Variants in ADAMTS13 observed in about 807,000 individuals in gnomAD.
ADAMTS13 encodes the protein A disintegrin and metalloproteinase with thrombospondin motifs 13.
In ADAMTS13, 110 loss-of-function variants were observed where a neutral mutation model predicts 155.1. The ratio of observed to expected loss-of-function variants is 0.71; its 90% CI spans 0.61 to 0.83. The LOEUF is 0.83. Among genes scored for constraint, ADAMTS13 ranks in the 40% least tolerant of loss-of-function variants. ADAMTS13 has a pLI of 0.00. For synonymous variants in ADAMTS13, 758 were observed against 756.4 expected, an observed-to-expected ratio of 1.00 and a Z score of -0.03; for missense variants, 1,707 against 1,891.7, an observed-to-expected ratio of 0.90 and a Z score of 1.81.
At chr9:133,451,894 CAAAAA>C (rs34716768) in intron 23 of ADAMTS13, among the ~76,000 whole-genome samples, 3 of 79,522 alleles carry the variant, frequency 3.8e-5, no homozygotes, top group Non-Finnish European at 2.2e-5. Flanking sequence ...GACCCTGTCT[CAAAAA>C]AAAAAAAAAA....
chr9:133,437,050 A>T, intron 12 of ADAMTS13, 95 bp downstream of exon 12: 2 of 1,457,356 alleles, frequency 1.4e-6, no homozygotes, highest in Non-Finnish European at 1.8e-6. Flanking sequence ...CTATCCCTCC[A>T]GCACTGGGCA....
At chr9:133,455,919 C>T (rs912535627) in intron 25 of ADAMTS13, 150 bp from the exon 26 acceptor site, 16 of 1,029,334 alleles carry the variant, frequency 1.6e-5, no homozygotes, top group East Asian at 5.1e-5. Flanking sequence ...ATGCAGCCCC[C>T]CTCCCTGTCC....
At chr9:133,449,654 A>G (rs1842305545) in intron 22 of ADAMTS13, 129 bp from the exon 23 acceptor site, 1 of 1,075,098 alleles carries the variant, frequency 9.3e-7, no homozygotes, top group Admixed American at 2.0e-5. Flanking sequence ...GCCTCCAGAA[A>G]GAGAACCTCT....
rs191816433 is a variant in ADAMTS13 at position 133,438,380 on chromosome 9, C to T, written c.1705+14C>T. On this transcript the variant is annotated intron_variant, in intron 14 of 28. Transcript: ENST00000355699. ...GCAGAGCGAGAGGTAGGCGGCCTCC[C>T]TCGGGGCAGAGGCTGGGCTTCCCCC... 979 of 1,613,334 alleles carry T rather than the reference C, an allele frequency of 6.1e-4. 10 individuals carry two copies. In the African/African-American group the frequency reaches 0.012, roughly 20 times the overall value.
chr9:133,414,892 C>G (rs1554781217), intron 1 of ADAMTS13: 1 of 1,614,050 alleles, frequency 6.2e-7, no homozygotes, highest in African/African-American at 1.3e-5. Context: ...TCTCCTCTCC[C>G]TTCACTTGAG....
upstream of ADAMTS13, among the ~76,000 whole-genome samples, chr9:133,421,718 A>G (rs899815157): frequency 7.2e-5 from 11 of 152,216 alleles, no homozygotes; most frequent in Non-Finnish European, 1.3e-4. Flanking sequence ...ATCCAGAGCC[A>G]GGGCCTGGCA....
chr9:133,430,381 C>A (rs1415970009), intron 8 of ADAMTS13, among the ~76,000 whole-genome samples: 1 of 152,196 alleles, frequency 6.6e-6, no homozygotes, highest in Non-Finnish European at 1.5e-5. Context: ...GTGAGGACAC[C>A]AATCTTAAAC....
chr9:133,442,330 A>C, intron 16 of ADAMTS13, 69 bp from the exon 17 acceptor site: 2 of 1,610,490 alleles, frequency 1.2e-6, no homozygotes, highest in Non-Finnish European at 1.7e-6. Context: ...AAGGCTTCCC[A>C]GGGGAGGTGG....
At chr9:133,450,737 G>A (rs1019284096) in intron 23 of ADAMTS13, among the ~76,000 whole-genome samples, 5 of 152,180 alleles carry the variant, frequency 3.3e-5, no homozygotes, top group Admixed American at 6.5e-5. Flanking sequence ...GCTACAGAGC[G>A]AGACTCCGTC....
chr9:133,437,990 G>A, intron 13 of ADAMTS13, 93 bp downstream of exon 13: 1 of 1,593,796 alleles, frequency 6.3e-7, no homozygotes, highest in Non-Finnish European at 8.5e-7. Context: ...GGCCCTGATG[G>A]AGCTGCAGTG....
chr9:133,455,891 A>C, intron 25 of ADAMTS13, 178 bp from the exon 26 acceptor site: 1 of 846,636 alleles, frequency 1.2e-6, no homozygotes, highest in South Asian at 1.6e-5. Context: ...CTGTGCCCTG[A>C]GGGTGATGCT....
intron 17 of ADAMTS13, 30 bp from the exon 18 acceptor site, chr9:133,442,584 G>C (rs781792338): frequency 6.2e-7 from 1 of 1,613,364 alleles, no homozygotes; most frequent in East Asian, 2.2e-5. Context: ...CCTGCAGGGA[G>C]GCGGCCTAGC....
intron 23 of ADAMTS13, among the ~76,000 whole-genome samples, chr9:133,451,894 CA>C (rs34716768): frequency 0.27 from 21,370 of 78,870 alleles, 1,018 homozygotes; most frequent in South Asian, 0.36. Context: ...GACCCTGTCT[CA>C]AAAAAAAAAA....
rs782026673 is a variant in ADAMTS13 at position 133,426,018 on chromosome 9, C to T, written c.495C>T (p.Asp165=). Residue 165 remains aspartate, a synonymous_variant, in exon 5 of 29, where the codon GAC becomes GAT. Coordinates refer to ENST00000355699, the MANE Select transcript of ADAMTS13 (RefSeq NM_139027.6). ...GGAGCCAGACCATCAACCCTGAGGA[C>T]GACACGGATCCTGGCCATGCTGACC... ...CGWSQTINPE[D]DTDPGHADLV... 13 of 1,613,934 alleles carry T rather than the reference C, an allele frequency of 8.1e-6. No homozygotes were observed. Among genetic ancestry groups the T allele is most frequent in the East Asian group, 2.2e-5 (1 of 44,876 alleles).
In ADAMTS13 at chr9:133,436,914, C is replaced by T; in HGVS notation, c.1394C>T (p.Ala465Val). 6.3e-7 allele frequency: 1 copy of T among 1,590,448 alleles called. No individual in the cohort carries two copies. Among genetic ancestry groups the T allele is most frequent in the Non-Finnish European group, 8.5e-7 (1 of 1,169,636 alleles). ...CCGCTGCGCTCCTCCCCTGGCGGCGCCTCCTTCTACCACTGGGGTGCTGCT... is the reference window on the plus strand; with the variant it reads ...CCGCTGCGCTCCTCCCCTGGCGGCGTCTCCTTCTACCACTGGGGTGCTGCT... Reference protein sequence around the residue: ...GQPLRSSPGGASFYHWGAAVP... With the variant: ...GQPLRSSPGGVSFYHWGAAVP... The change falls in exon 12 of 29, where the codon GCC becomes GTC. Residue 465 changes from alanine to valine, a missense_variant. Around this residue, in one of 3 missense-constraint regions of ADAMTS13, gnomAD observed 733 missense variants for 749.6 expected, o/e 0.98. Transcript: ENST00000355699.
chr9:133,414,374 G>A, exon 1 of ADAMTS13: 1 of 621,748 alleles, frequency 1.6e-6, no homozygotes, highest in Non-Finnish European at 3.0e-6. Flanking sequence ...GCGAGAAGCA[G>A]GGACAGGCCT....
At chr9:133,422,699 T>G in intron 1 of ADAMTS13, 151 bp downstream of exon 1, 1 of 747,414 alleles carries the variant, frequency 1.3e-6, no homozygotes, top group South Asian at 1.6e-5. Context: ...CTTTGGGGGA[T>G]GAAGTGTGCT....
Position 133,445,878 on chromosome 9 carries a change from T to TG in ADAMTS13, c.2731+60dup. The stretch of plus-strand genomic sequence containing the variant: ...ACTCATGGTAACTCTCCTGTCCACT[T>TG]GCATCTTGCCTCGTTCTGAAAAGCA... On this transcript the variant is annotated intron_variant, in intron 21 of 28. Transcript: ENST00000355699. This position sits in a 1 kb window ranked among gnomAD's most constrained non-coding sequence, Gnocchi z 5.0. 1 of 1,513,360 alleles carries TG rather than the reference T, an allele frequency of 6.6e-7. No homozygotes were observed. The highest frequency in any genetic ancestry group is 8.8e-7 in the Non-Finnish European group (1 of 1,130,154). 93.7% of individuals were successfully genotyped at this position (1,513,360 alleles called of 1,614,324 possible). A position where few individuals can be genotyped will look rare whatever the true frequency, so the allele number is the denominator to read the frequency against.
chr9:133,449,589 G>C (rs978050818), intron 22 of ADAMTS13, among the ~76,000 whole-genome samples, 194 bp from the exon 23 acceptor site: 1 of 152,156 alleles, frequency 6.6e-6, no homozygotes, highest in Non-Finnish European at 1.5e-5. Flanking sequence ...TGTAAAATGG[G>C]TTTGTCCAAA....
Sources: allele counts gnomAD v4.1 joint callset (sites outside exome capture counted in the v4.1 genomes callset), GRCh38; gene constraint gnomAD v4.1.1; regional missense constraint gnomAD v4.1.1; non-coding constraint Gnocchi (gnomAD v3.1); transcripts MANE v1.5; gene names NCBI Gene and HGNC (gene_info 2026-07-23, HGNC 2026-07-21).